GARNL3: variants seen among roughly 807,000 people sequenced by gnomAD.
GARNL3 encodes GTPase activating Rap/RanGAP domain like 3, also known as GTPase-activating Rap/Ran-GAP domain-like protein 3.
Under a neutral mutation model 125.0 loss-of-function variants are expected in GARNL3, and 63 were observed. The observed-to-expected ratio is 0.50, with a 90% CI of 0.41 to 0.62. GARNL3 has a LOEUF of 0.62. Among genes scored for constraint, GARNL3 ranks in the 20% least tolerant of loss-of-function variants. The probability of loss-of-function intolerance (pLI) is 0.00; values close to 1 mark genes in which losing one functional copy is unlikely to be tolerated. For missense variants in GARNL3, 994 were observed against 1,244.0 expected (o/e 0.80, Z 3.02); for synonymous variants, 439 against 457.5 (o/e 0.96, Z 0.52).
intron 2 of GARNL3, among the ~76,000 whole-genome samples, chr9:127,309,865 G>A (rs2131457125): frequency 6.6e-6 from 1 of 152,318 alleles, no homozygotes; most frequent in East Asian, 1.9e-4. Flanking sequence ...TAAATCGCTA[G>A]AGGCATGTCA....
intron 2 of GARNL3, among the ~76,000 whole-genome samples, chr9:127,257,528 A>G (rs1165193888): frequency 2.0e-5 from 3 of 152,206 alleles, no homozygotes; most frequent in African/African-American, 4.8e-5. Context: ...GATTGCCACA[A>G]GTCTTTATTA....
rs773793343 is a variant in GARNL3 at position 127,383,502 on chromosome 9, G to A, written c.2226G>A (p.Ala742=). The change falls in exon 23 of 28, where the codon GCG becomes GCA. Residue 742 remains alanine (A), a synonymous_variant. Transcript: ENST00000373387. ...GCTCTTTTTTGGTTCAACCTTCTGC[G>A]TCAGATTTCCAGTTCTGTTGGAACC... ...NGGSFLVQPS[A]SDFQFCWNQA... is the part of the protein sequence containing the mutation. 34 of 1,613,412 alleles carry A rather than the reference G, an allele frequency of 2.1e-5. No individual in the cohort carries two copies. In the Middle Eastern group the frequency reaches 4.9e-4, roughly 23 times the overall value.
At chr9:127,326,751 T>A (rs2065586130) in intron 7 of GARNL3, among the ~76,000 whole-genome samples, 1 of 152,076 alleles carries the variant, frequency 6.6e-6, no homozygotes, top group South Asian at 2.1e-4. Flanking sequence ...GGGAAGTAAT[T>A]AGGTCATGAG....
chr9:127,388,678 G>A (rs1832676445), intron 25 of GARNL3: 4 of 564,462 alleles, frequency 7.1e-6, no homozygotes, highest in African/African-American at 1.9e-5. Flanking sequence ...GTGCAGTCAC[G>A]AGTGCATTTT....
chr9:127,307,481 A>G (rs1314416615), intron 2 of GARNL3, among the ~76,000 whole-genome samples: 2 of 152,228 alleles, frequency 1.3e-5, no homozygotes, highest in East Asian at 3.8e-4. Context: ...CGAGAGAGAA[A>G]GACGTTCATG....
chr9:127,381,504 T>C lies in GARNL3; in HGVS notation c.2162-1934T>C, dbSNP rs140526191. On this transcript the variant is annotated intron_variant, in intron 22 of 27. Transcript: ENST00000373387. ...ATCTCTTCTCAGAGTAACACTACCA[T>C]CTTTACCTCTACCCTCTGTAGACAG... Among the ~76,000 whole-genome samples the C allele has an allele frequency of 8.8e-4, 134 of 152,312 alleles. 1 individual carries two copies. Among genetic ancestry groups the C allele is most frequent in the African/African-American group, 3.1e-3 (128 of 41,570 alleles).
Position 127,332,290 on chromosome 9 carries a change from A to G in GARNL3, c.611A>G (p.Lys204Arg), listed in dbSNP as rs920925156. ...TATCCTAAGGGCTCTGTGAATTTCA[A>G]GTTTGGGGTTCTTTTTGCCAAAGAT... Reference protein sequence around the residue: ...LEEQEGSVNFKFGVLFAKDGQ... With the variant: ...LEEQEGSVNFRFGVLFAKDGQ... Residue 204 changes from lysine (K) to arginine (R), a missense_variant, in exon 8 of 28, where the codon AAG (lysine) becomes AGG (arginine). Physicochemically the swap from Lys to Arg is conservative, Grantham distance 26. Coordinates refer to ENST00000373387, the MANE Select transcript of GARNL3 (RefSeq NM_032293.5). 3 of 1,613,540 alleles carry G rather than the reference A, an allele frequency of 1.9e-6. No individual in the cohort carries two copies. Among genetic ancestry groups the G allele is most frequent in the Non-Finnish European group, 2.5e-6 (3 of 1,179,512 alleles).
At chr9:127,368,839 G>A (rs923876671) in intron 22 of GARNL3, among the ~76,000 whole-genome samples, 8 of 152,010 alleles carry the variant, frequency 5.3e-5, no homozygotes, top group African/African-American at 1.7e-4. Context: ...GGTGACTGAG[G>A]CAGGAGAATC....
chr9:127,259,102 C>T (rs1365209249), upstream of GARNL3, among the ~76,000 whole-genome samples: 1 of 152,190 alleles, frequency 6.6e-6, no homozygotes, highest in African/African-American at 2.4e-5. Context: ...TGACCTGGAT[C>T]TCTGCGTTTG....
intron 1 of GARNL3, among the ~76,000 whole-genome samples, chr9:127,233,857 T>A (rs1429281780): frequency 2.6e-5 from 4 of 152,228 alleles, no homozygotes; most frequent in Non-Finnish European, 5.9e-5. Context: ...GGTGCCTCCT[T>A]TTCTTCTTCC....
intron 22 of GARNL3, among the ~76,000 whole-genome samples, chr9:127,382,266 C>A (rs1359183155): frequency 6.6e-6 from 1 of 151,976 alleles, no homozygotes; most frequent in East Asian, 1.9e-4. Context: ...CACCATTGCA[C>A]TCCAGTCCAG....
chr9:127,328,097 C>T (rs1018750499), intron 7 of GARNL3, among the ~76,000 whole-genome samples: 3 of 152,182 alleles, frequency 2.0e-5, no homozygotes, highest in Non-Finnish European at 2.9e-5. Flanking sequence ...ACCACTTTTT[C>T]AGGGGCTGGA....
At chr9:127,241,655 A>C (rs1346042932) in intron 1 of GARNL3, among the ~76,000 whole-genome samples, 1 of 152,148 alleles carries the variant, frequency 6.6e-6, no homozygotes, top group Non-Finnish European at 1.5e-5. Context: ...GGGACCTGAC[A>C]AGAGAGAAGA....
chr9:127,332,524 G>T (rs144555593), intron 8 of GARNL3, among the ~76,000 whole-genome samples, 175 bp downstream of exon 8: 3 of 152,218 alleles, frequency 2.0e-5, no homozygotes, highest in African/African-American at 4.8e-5. Flanking sequence ...CATTCATTTG[G>T]CAAATATTTA....
chr9:127,297,330 G>C (rs988102760), intron 2 of GARNL3, among the ~76,000 whole-genome samples: 3 of 152,182 alleles, frequency 2.0e-5, no homozygotes, highest in African/African-American at 4.8e-5. Context: ...GTAGAGATGG[G>C]GTTTTGCCAT....
At chr9:127,286,705 T>C (rs1322429728) in intron 1 of GARNL3, among the ~76,000 whole-genome samples, 3 of 152,228 alleles carry the variant, frequency 2.0e-5, no homozygotes, top group Non-Finnish European at 4.4e-5. Flanking sequence ...ATTACCATAA[T>C]TGGAAATTTT....
At chr9:127,260,926 T>G (rs1328457836), upstream of GARNL3, among the ~76,000 whole-genome samples, 2 of 152,140 alleles carry the variant, frequency 1.3e-5, no homozygotes, top group Non-Finnish European at 2.9e-5. Flanking sequence ...TATTGCTCAC[T>G]CATATCAGAG....
At chr9:127,287,723 G>GC (rs2064292769) in intron 1 of GARNL3, among the ~76,000 whole-genome samples, 1 of 152,232 alleles carries the variant, frequency 6.6e-6, no homozygotes, top group Non-Finnish European at 1.5e-5. Flanking sequence ...GGTCCTGCCA[G>GC]CATGAGCTCA....
intron 15 of GARNL3, among the ~76,000 whole-genome samples, chr9:127,344,674 G>A (rs1830043729): frequency 6.6e-6 from 1 of 152,152 alleles, no homozygotes; most frequent in Non-Finnish European, 1.5e-5. Context: ...GAGCCGATTT[G>A]GGAAATGCCC....
Sources: allele counts gnomAD v4.1 joint callset (sites outside exome capture counted in the v4.1 genomes callset), GRCh38; gene constraint gnomAD v4.1.1; transcripts MANE v1.5; gene names NCBI Gene and HGNC (gene_info 2026-07-23, HGNC 2026-07-21).